The following YEATS2 variants were observed in gnomAD, a reference collection of about 807,000 sequenced individuals.
YEATS2 encodes YEATS domain containing 2, also known as YEATS domain-containing protein 2.
Under a neutral mutation model 163.2 loss-of-function variants are expected in YEATS2, and 77 were observed. The observed-to-expected ratio is 0.47, with a 90% CI of 0.39 to 0.57. YEATS2 has a LOEUF of 0.57. YEATS2 is among the 20% of genes least tolerant of loss of function. The probability of loss-of-function intolerance (pLI) is 0.00; values close to 1 mark genes in which losing one functional copy is unlikely to be tolerated. For synonymous variants in YEATS2, 631 were observed against 645.1 expected (o/e 0.98, Z 0.33); for missense variants, 1,549 against 1,729.8 (o/e 0.90, Z 1.85).
chr3:183,722,170 A>G (rs757650088), intron 5 of YEATS2, 34 bp downstream of exon 5: 18 of 1,574,092 alleles, frequency 1.1e-5, no homozygotes, highest in African/African-American at 4.3e-5. Flanking sequence ...AGGGAGCCAC[A>G]GGAGAAGGGA....
At chr3:183,723,471 T>TA (rs1232336459) in intron 5 of YEATS2, among the ~76,000 whole-genome samples, 1 of 152,236 alleles carries the variant, frequency 6.6e-6, no homozygotes, top group Non-Finnish European at 1.5e-5. Context: ...TGAAAATTGT[T>TA]AAATACAGAA....
intron 8 of YEATS2, among the ~76,000 whole-genome samples, chr3:183,744,177 A>G (rs898993394): frequency 2.2e-5 from 3 of 135,612 alleles, no homozygotes; most frequent in African/African-American, 8.7e-5. Flanking sequence ...AAGTGGTGCA[A>G]TCTCAGCTCA....
At chr3:183,792,752 G>A (rs59112471) in intron 21 of YEATS2, among the ~76,000 whole-genome samples, 2 of 152,078 alleles carry the variant, frequency 1.3e-5, no homozygotes, top group African/African-American at 2.4e-5. Flanking sequence ...CAGGTGATCC[G>A]CCTACCTTGG....
At chr3:183,735,043 A>G (rs1718193881) in intron 7 of YEATS2, among the ~76,000 whole-genome samples, 1 of 152,150 alleles carries the variant, frequency 6.6e-6, no homozygotes, top group Non-Finnish European at 1.5e-5. Flanking sequence ...TCCTGTTAAA[A>G]AGCATTGTTC....
intron 2 of YEATS2, 27 bp from the exon 3 acceptor site, chr3:183,717,624 T>C: frequency 6.7e-7 from 1 of 1,485,762 alleles, no homozygotes; most frequent in Non-Finnish European, 9.1e-7. Flanking sequence ...AATTAGGCCT[T>C]GGATGTATTT....
At chr3:183,785,987 C>T in intron 19 of YEATS2, 138 bp from the exon 20 acceptor site, 1 of 918,274 alleles carries the variant, frequency 1.1e-6, no homozygotes, top group Non-Finnish European at 1.6e-6. Context: ...GGTGTGTAAA[C>T]ACCTCATGTA....
At chr3:183,804,812 C>T (rs1348083044) in intron 27 of YEATS2, among the ~76,000 whole-genome samples, 1 of 151,552 alleles carries the variant, frequency 6.6e-6, no homozygotes, top group Non-Finnish European at 1.5e-5. Flanking sequence ...ACACTGAAAC[C>T]CCATCTCTAC....
intron 17 of YEATS2, among the ~76,000 whole-genome samples, chr3:183,774,849 C>T (rs1028476288): frequency 2.6e-5 from 4 of 152,098 alleles, no homozygotes; most frequent in African/African-American, 9.7e-5. Flanking sequence ...CATACCTAAG[C>T]AGTGGTATGT....
At chr3:183,722,376 C>T (rs914231359) in intron 5 of YEATS2, among the ~76,000 whole-genome samples, 2 of 146,620 alleles carry the variant, frequency 1.4e-5, no homozygotes, top group Non-Finnish European at 3.0e-5. Context: ...GCAACCTCCG[C>T]CTCCCGGGTT....
At chr3:183,773,539 T>G in intron 16 of YEATS2, 94 bp from the exon 17 acceptor site, 1 of 1,263,158 alleles carries the variant, frequency 7.9e-7, no homozygotes, top group Non-Finnish European at 1.1e-6. Flanking sequence ...TTGTTAGTGT[T>G]CTAAAATAAG....
rs1183575169 is a variant in YEATS2, at chr3:183,804,150, C to T, written c.3746C>T (p.Ser1249Phe). The change falls in exon 27 of 31, where the codon TCC becomes TTC. Residue 1249 changes from serine (S) to phenylalanine (F), a missense_variant. Coordinates refer to ENST00000305135, the MANE Select transcript of YEATS2 (RefSeq NM_018023.5). ...GAGAGCCTGAGGAATGACGGGGACT[C>T]CATCGAGGACGTGCTGACCCAGATC... ...DPESLRNDGD[S>F]IEDVLTQIDS... is the part of the protein sequence containing the mutation. 3 of 1,614,130 alleles carry T rather than the reference C, an allele frequency of 1.9e-6. No homozygotes were observed. The Admixed American group carries it at 5.0e-5, about 27-fold the overall frequency.
chr3:183,796,073 C>T (rs1725122857), intron 21 of YEATS2, among the ~76,000 whole-genome samples: 1 of 150,696 alleles, frequency 6.6e-6, no homozygotes, highest in African/African-American at 2.4e-5. Context: ...ACCTCCGCCT[C>T]CCGAGTTCAA....
intron 27 of YEATS2, among the ~76,000 whole-genome samples, chr3:183,805,141 C>T (rs263039): frequency 0.46 from 70,290 of 151,286 alleles, 16,612 homozygotes; most frequent in East Asian, 0.66. Context: ...GGCTCATGCC[C>T]GTAATCCCAG....
At position 183,708,184 on chromosome 3, in the gene YEATS2, A is replaced by G. The variant is rs1304996452; in HGVS notation, c.-19-6960A>G. Reference sequence around the variant, plus strand: ...ACTTTTTTTTTTTTTTTTTTTTGATACGGAGTCTTGCTCTGTCACCAGGCT... The same window carrying G: ...ACTTTTTTTTTTTTTTTTTTTTGATGCGGAGTCTTGCTCTGTCACCAGGCT... On this transcript the variant is annotated intron_variant, in intron 1 of 30. Coordinates refer to ENST00000305135, the MANE Select transcript of YEATS2 (RefSeq NM_018023.5). Among the ~76,000 whole-genome samples the G allele has an allele frequency of 5.7e-5, 6 of 104,848 alleles. No homozygotes were observed. In the Admixed American group the frequency reaches 6.2e-4, roughly 11 times the overall value. The allele number at this position is 104,848 out of a possible 152,430, so 68.8% of individuals were successfully genotyped here. A position where few individuals can be genotyped will look rare whatever the true frequency, so the allele number is the denominator to read the frequency against.
intron 19 of YEATS2, 44 bp downstream of exon 19, chr3:183,777,744 G>A (rs749894666): frequency 3.8e-6 from 6 of 1,571,400 alleles, no homozygotes; most frequent in South Asian, 2.3e-5. Context: ...GGTGATTATG[G>A]CATTTATTTA....
chr3:183,802,113 G>A (rs1044782213), intron 25 of YEATS2: 3 of 152,270 alleles, frequency 2.0e-5, no homozygotes, highest in South Asian at 2.1e-4. Flanking sequence ...CCAAAGTGAC[G>A]TGCTGCGTCA....
At chr3:183,806,764 C>A in intron 27 of YEATS2, 102 bp from the exon 28 acceptor site, 1 of 1,211,208 alleles carries the variant, frequency 8.3e-7, no homozygotes, top group East Asian at 2.5e-5. Flanking sequence ...GTCAGCTCCC[C>A]TGATGCTTAT....
At chr3:183,780,000 C>CTTTTT (rs71298586) in intron 19 of YEATS2, among the ~76,000 whole-genome samples, 1 of 134,810 alleles carries the variant, frequency 7.4e-6, no homozygotes. Context: ...CTGGCCTTTA[C>CTTTTT]TTTTTTTTTT....
intron 28 of YEATS2, chr3:183,807,300 C>G (rs1387652520): frequency 5.4e-6 from 3 of 553,234 alleles, no homozygotes; most frequent in South Asian, 4.5e-5. Context: ...ACATCAGAGC[C>G]CTTGGGCAGA....
Sources: allele counts gnomAD v4.1 joint callset (sites outside exome capture counted in the v4.1 genomes callset), GRCh38; gene constraint gnomAD v4.1.1; transcripts MANE v1.5; gene names NCBI Gene and HGNC (gene_info 2026-07-23, HGNC 2026-07-21).